The following CNTN1 variants were observed in gnomAD, a reference collection of about 807,000 sequenced individuals.
CNTN1 encodes contactin-1.
CNTN1 carries 38 observed loss-of-function variants against 126.4 expected under a neutral mutation model. The observed-to-expected ratio is 0.30, with a 90% CI of 0.23 to 0.39. The LOEUF (loss-of-function observed/expected upper bound fraction) is 0.39, where lower values mean the gene tolerates loss of function less well. CNTN1 is among the 10% of genes least tolerant of loss of function. The pLI is 1.00. For missense variants in CNTN1, 1,009 were observed against 1,248.4 expected, an observed-to-expected ratio of 0.81 and a Z score of 2.89; for synonymous variants, 413 against 422.6, an observed-to-expected ratio of 0.98 and a Z score of 0.28.
chr12:40,869,633 A>G (rs978071074), intron 1 of CNTN1, among the ~76,000 whole-genome samples: 1 of 152,142 alleles, frequency 6.6e-6, no homozygotes, highest in African/African-American at 2.4e-5. Flanking sequence ...TATAGTTCAT[A>G]GGAAAATATT....
chr12:40,926,808 T>C (rs111513988), intron 6 of CNTN1, among the ~76,000 whole-genome samples: 22 of 152,128 alleles, frequency 1.4e-4, no homozygotes, highest in African/African-American at 4.8e-4. Context: ...ATTCTAGATA[T>C]ATTTTGAAGG....
At position 40,794,659 on chromosome 12, in the gene CNTN1, T is replaced by G. The variant is rs540023496; in HGVS notation, c.-77+102067T>G. ...TTGTTAATGCATTACACTTTTAAAA[T>G]GTACAGAGGTTTACAGCACAGAGAG... is the stretch of plus-strand genomic sequence containing the variant. On this transcript the variant is annotated intron_variant, in intron 1 of 23. Coordinates refer to ENST00000551295, the MANE Select transcript of CNTN1 (RefSeq NM_001843.4). Among the ~76,000 whole-genome samples, 3 of 152,200 alleles carry G rather than the reference T, an allele frequency of 2.0e-5. No individual in the cohort carries two copies. In the East Asian group the frequency reaches 5.8e-4, roughly 29 times the overall value.
intron 1 of CNTN1, among the ~76,000 whole-genome samples, chr12:40,817,586 T>C (rs1044419528): frequency 2.1e-5 from 3 of 145,576 alleles, no homozygotes; most frequent in African/African-American, 7.6e-5. Context: ...GTCTCCTGAA[T>C]ACAGCACATT....
At chr12:41,042,785 C>G (rs1949446022) in intron 23 of CNTN1, among the ~76,000 whole-genome samples, 1 of 152,068 alleles carries the variant, frequency 6.6e-6, no homozygotes, top group Admixed American at 6.6e-5. Context: ...CAGCATGGTA[C>G]TGGTACCAAA....
intron 23 of CNTN1, among the ~76,000 whole-genome samples, chr12:41,043,668 T>C (rs942330915): frequency 2.0e-5 from 3 of 152,094 alleles, no homozygotes; most frequent in African/African-American, 4.8e-5. Flanking sequence ...CAAAGGACTT[T>C]AAATCATGCT....
intron 1 of CNTN1, among the ~76,000 whole-genome samples, chr12:40,759,774 A>ATTTTTTTTTTTTTTT (rs33992864): frequency 7.7e-4 from 103 of 133,546 alleles, no homozygotes; most frequent in African/African-American, 2.8e-3. Flanking sequence ...TGGCCCAGAT[A>ATTTTTTTTTTTTTTT]TTTTTTTTTT....
chr12:40,815,596 C>G (rs1941229734), intron 1 of CNTN1, among the ~76,000 whole-genome samples: 1 of 152,144 alleles, frequency 6.6e-6, no homozygotes, highest in Non-Finnish European at 1.5e-5. Flanking sequence ...CATCTACAAA[C>G]AGAGACAACT....
At chr12:40,984,770 G>A (rs185345826) in intron 16 of CNTN1, among the ~76,000 whole-genome samples, 4 of 152,080 alleles carry the variant, frequency 2.6e-5, no homozygotes, top group East Asian at 1.9e-4. Flanking sequence ...TCCCCTTTGT[G>A]CAGCTAGTAT....
At position 40,709,648 on chromosome 12, in the gene CNTN1, G is replaced by A. The variant is rs186239376; in HGVS notation, c.-77+17056G>A. Among the ~76,000 whole-genome samples the A allele has an allele frequency of 4.6e-5, 7 of 152,320 alleles. No individual in the cohort carries two copies. The South Asian group carries it at 8.3e-4, about 18-fold the overall frequency. On this transcript the variant is annotated intron_variant, in intron 1 of 23. Transcript: ENST00000551295. ...CCACCTTCATCAGTGAGCTTAGCTA[G>A]ATCTTCTGAATAACTTGTTGCAGCT... is the stretch of plus-strand genomic sequence containing the variant.
At chr12:40,704,340 G>A (rs1350913415) in intron 1 of CNTN1, among the ~76,000 whole-genome samples, 2 of 151,818 alleles carry the variant, frequency 1.3e-5, no homozygotes, top group Non-Finnish European at 2.9e-5. Context: ...AAATTGGCAG[G>A]CCTATACTCT....
At chr12:40,903,060 A>G (rs1334966066) in intron 1 of CNTN1, among the ~76,000 whole-genome samples, 1 of 152,226 alleles carries the variant, frequency 6.6e-6, no homozygotes, top group African/African-American at 2.4e-5. Flanking sequence ...GAGATTTAGT[A>G]AAGGATGCTG....
chr12:40,962,381 T>C (rs2137016639), intron 15 of CNTN1, among the ~76,000 whole-genome samples: 1 of 152,264 alleles, frequency 6.6e-6, no homozygotes, highest in South Asian at 2.1e-4. Flanking sequence ...CCTTGCCTTT[T>C]TATTGTATAT....
rs180877625 is a variant in CNTN1, at chr12:40,976,552, A to G, written c.1805-4357A>G. Reference sequence around the variant, plus strand: ...ATGGAAACTAAAAAAAGAAAAAAAAAAAAGAAAGAAAGAACTCAGGGTTAG... The same window carrying G: ...ATGGAAACTAAAAAAAGAAAAAAAAGAAAGAAAGAAAGAACTCAGGGTTAG... On this transcript the variant is annotated intron_variant, in intron 15 of 23. Transcript: ENST00000551295. 1.8e-3 allele frequency among the ~76,000 whole-genome samples: 275 copies of G among 152,162 alleles called. 3 individuals carry two copies. The highest frequency in any genetic ancestry group is 5.3e-3 in the African/African-American group (222 of 41,558).
chr12:40,871,691 A>G (rs1449705677), intron 1 of CNTN1, among the ~76,000 whole-genome samples: 2 of 152,196 alleles, frequency 1.3e-5, no homozygotes, highest in Admixed American at 6.5e-5. Context: ...TGCATTTTAC[A>G]TTTCCAAAAT....
chr12:40,751,104 T>G (rs1362824147), intron 1 of CNTN1, among the ~76,000 whole-genome samples: 2 of 152,078 alleles, frequency 1.3e-5, no homozygotes, highest in Non-Finnish European at 2.9e-5. Context: ...TGTTCAGTTT[T>G]TAAATGGAAT....
At chr12:40,900,959 G>A (rs1944580799) in intron 1 of CNTN1, among the ~76,000 whole-genome samples, 1 of 152,178 alleles carries the variant, frequency 6.6e-6, no homozygotes, top group African/African-American at 2.4e-5. Flanking sequence ...AATCTGTGTA[G>A]AAGAGATTGA....
chr12:41,064,173 C>CAA (rs35620860), intron 23 of CNTN1, among the ~76,000 whole-genome samples: 191 of 111,748 alleles, frequency 1.7e-3, no homozygotes, highest in Middle Eastern at 4.4e-3. Flanking sequence ...GACTCCATCT[C>CAA]AAAAAAAAAA....
intron 15 of CNTN1, among the ~76,000 whole-genome samples, chr12:40,969,096 GA>G (rs1421600029): frequency 6.6e-6 from 1 of 152,056 alleles, no homozygotes; most frequent in African/African-American, 2.4e-5. Flanking sequence ...ATATAACCAA[GA>G]AAAAACTTAA....
intron 1 of CNTN1, among the ~76,000 whole-genome samples, chr12:40,843,304 A>G (rs1565818199): frequency 6.6e-6 from 1 of 152,182 alleles, no homozygotes; most frequent in Non-Finnish European, 1.5e-5. Context: ...TTAATGGGAA[A>G]ACATTAGGTT....
Sources: gnomAD v4.1 joint callset for allele counts (sites outside exome capture counted in the v4.1 genomes callset) on GRCh38, gnomAD v4.1.1 for gene constraint, MANE v1.5 for transcripts, NCBI Gene and HGNC (gene_info 2026-07-23, HGNC 2026-07-21) for gene names.